LDLRAD3: variants seen among roughly 807,000 people sequenced by gnomAD.
The protein encoded by LDLRAD3 is low density lipoprotein receptor class A domain containing 3.
Under a neutral mutation model 29.4 loss-of-function variants are expected in LDLRAD3, and 20 were observed. The observed-to-expected ratio is 0.68, with a 90% CI of 0.48 to 0.99. The LOEUF (loss-of-function observed/expected upper bound fraction) is 0.99, where lower values mean the gene tolerates loss of function less well. LDLRAD3 is among the 50% of genes least tolerant of loss of function. LDLRAD3 has a pLI of 0.00. For missense variants in LDLRAD3, 420 were observed against 454.3 expected (o/e 0.92, Z 0.69); for synonymous variants, 157 against 192.7 (o/e 0.81, Z 1.53).
chr11:36,226,578 A>G (rs933936706), intron 4 of LDLRAD3, among the ~76,000 whole-genome samples: 1 of 152,252 alleles, frequency 6.6e-6, no homozygotes, highest in Non-Finnish European at 1.5e-5. Context: ...TTTACAGTTC[A>G]GTGATTTTGC....
intron 4 of LDLRAD3, among the ~76,000 whole-genome samples, chr11:36,179,027 A>G (rs1164411506): frequency 6.6e-6 from 1 of 152,212 alleles, no homozygotes; most frequent in Non-Finnish European, 1.5e-5. Flanking sequence ...AATTCTCAAC[A>G]GAGCAGGACC....
intron 2 of LDLRAD3, among the ~76,000 whole-genome samples, chr11:36,061,027 C>T (rs1366575527): frequency 6.6e-6 from 1 of 152,236 alleles, no homozygotes; most frequent in East Asian, 1.9e-4. Context: ...TCCTGCCTCA[C>T]AGTTTTTTGG....
intron 4 of LDLRAD3, among the ~76,000 whole-genome samples, chr11:36,109,773 G>A (rs187057304): frequency 1.3e-5 from 2 of 152,152 alleles, no homozygotes; most frequent in East Asian, 1.9e-4. Flanking sequence ...AATAGTCTGC[G>A]TTTAGGGGAT....
chr11:35,967,099 G>A, intron 1 of LDLRAD3: 1 of 199,346 alleles, frequency 5.0e-6, no homozygotes, highest in Non-Finnish European at 1.1e-5. Context: ...GATCCCGTGT[G>A]GTCCCAAAGA....
At chr11:36,144,794 G>T (rs1490254970) in intron 4 of LDLRAD3, among the ~76,000 whole-genome samples, 4 of 125,062 alleles carry the variant, frequency 3.2e-5, no homozygotes, top group Non-Finnish European at 6.7e-5. Flanking sequence ...CGCCCCGTCC[G>T]GGAGGGAGGT....
In LDLRAD3 at chr11:35,977,664, G is replaced by A. The variant is rs955119866; in HGVS notation, c.46+33520G>A. 2.6e-5 allele frequency among the ~76,000 whole-genome samples: 4 copies of A among 152,104 alleles called. No homozygotes were observed. In the East Asian group the frequency reaches 5.8e-4, roughly 22 times the overall value. Reference sequence around the variant, plus strand: ...CTGCTATAACAAAAAACCTTAGACTGGGTAATTTATAGACAATAGAAATTG... The same window carrying A: ...CTGCTATAACAAAAAACCTTAGACTAGGTAATTTATAGACAATAGAAATTG... On this transcript the variant is annotated intron_variant, in intron 1 of 5. Transcript: ENST00000315571.
At chr11:36,020,351 C>T (rs1174536884) in intron 1 of LDLRAD3, among the ~76,000 whole-genome samples, 1 of 152,194 alleles carries the variant, frequency 6.6e-6, no homozygotes. Context: ...ATTATCTGAG[C>T]GTGAAGAGAC....
chr11:36,032,564 G>C (rs995723816), intron 1 of LDLRAD3, among the ~76,000 whole-genome samples: 3 of 152,188 alleles, frequency 2.0e-5, no homozygotes, highest in African/African-American at 7.2e-5. Flanking sequence ...TTTTCAGCGG[G>C]ATGACTCTTC....
At chr11:36,053,438 C>T (rs2133225324) in intron 2 of LDLRAD3, among the ~76,000 whole-genome samples, 2 of 152,222 alleles carry the variant, frequency 1.3e-5, no homozygotes, top group South Asian at 4.2e-4. Context: ...AATGAGCTCC[C>T]TGTTAATAGA....
chr11:36,132,286 T>C (rs910920357), intron 4 of LDLRAD3, among the ~76,000 whole-genome samples: 2 of 152,122 alleles, frequency 1.3e-5, no homozygotes, highest in Non-Finnish European at 2.9e-5. Context: ...CTGTCTCTTG[T>C]TGGAAAATGT....
At chr11:36,003,030 GAA>G (rs1020618978) in intron 1 of LDLRAD3, among the ~76,000 whole-genome samples, 4 of 152,234 alleles carry the variant, frequency 2.6e-5, no homozygotes, top group Non-Finnish European at 5.9e-5. Flanking sequence ...TTAAGACAAA[GAA>G]TGTGCAATTT....
At chr11:35,982,656 C>T (rs1851556319) in intron 1 of LDLRAD3, among the ~76,000 whole-genome samples, 1 of 152,130 alleles carries the variant, frequency 6.6e-6, no homozygotes, top group Admixed American at 6.5e-5. Flanking sequence ...GTCTGGGTAG[C>T]TGCCACTTGC....
chr11:36,008,176 A>G (rs181389667), intron 1 of LDLRAD3, among the ~76,000 whole-genome samples: 2 of 152,262 alleles, frequency 1.3e-5, no homozygotes, highest in Admixed American at 1.3e-4. Flanking sequence ...AGGGCATATT[A>G]TTTGTCATTT....
At chr11:36,185,379 A>G (rs185918581) in intron 4 of LDLRAD3, among the ~76,000 whole-genome samples, 2 of 152,362 alleles carry the variant, frequency 1.3e-5, no homozygotes, top group Admixed American at 6.5e-5. Flanking sequence ...CATAAAAGGT[A>G]AAAATCTTTA....
At chr11:36,108,929 G>T (rs1853569643) in intron 4 of LDLRAD3, among the ~76,000 whole-genome samples, 1 of 152,050 alleles carries the variant, frequency 6.6e-6, no homozygotes, top group South Asian at 2.1e-4. Context: ...TTAGTGGGTG[G>T]AAAATTACTA....
At chr11:36,032,561 C>T (rs955045456) in intron 1 of LDLRAD3, among the ~76,000 whole-genome samples, 11 of 152,162 alleles carry the variant, frequency 7.2e-5, no homozygotes, top group African/African-American at 2.2e-4. Context: ...ACATTTTCAG[C>T]GGGATGACTC....
chr11:36,042,491 T>C (rs1383612995), intron 2 of LDLRAD3, among the ~76,000 whole-genome samples: 2 of 152,156 alleles, frequency 1.3e-5, no homozygotes, highest in African/African-American at 4.8e-5. Context: ...CTGTCAGTCA[T>C]TGTGTGCAGC....
chr11:35,978,646 C>T (rs972522672), intron 1 of LDLRAD3, among the ~76,000 whole-genome samples: 1 of 152,204 alleles, frequency 6.6e-6, no homozygotes, highest in South Asian at 2.1e-4. Flanking sequence ...CTCATGGTCT[C>T]TCCTAAGCAG....
intron 4 of LDLRAD3, among the ~76,000 whole-genome samples, chr11:36,130,724 C>T (rs370203233): frequency 3.3e-4 from 50 of 152,286 alleles, no homozygotes; most frequent in African/African-American, 1.1e-3. Context: ...GATCAGCCCA[C>T]GTAGTCCTCA....
Sources: gnomAD v4.1 joint callset for allele counts (sites outside exome capture counted in the v4.1 genomes callset) on GRCh38, gnomAD v4.1.1 for gene constraint, MANE v1.5 for transcripts, NCBI Gene and HGNC (gene_info 2026-07-23, HGNC 2026-07-21) for gene names.